USP33: variants seen among roughly 807,000 people sequenced by gnomAD.
USP33 encodes ubiquitin carboxyl-terminal hydrolase 33.
A neutral mutation model predicts 124.2 loss-of-function variants in USP33; 46 were observed. That is an observed-to-expected ratio of 0.37 (90% CI 0.29 to 0.47). The LOEUF (loss-of-function observed/expected upper bound fraction) is 0.47. Among genes scored for constraint, USP33 ranks in the 20% least tolerant of loss-of-function variants. The probability of loss-of-function intolerance (pLI) is 0.99; values close to 1 mark genes in which losing one functional copy is unlikely to be tolerated. For synonymous variants in USP33, 350 were observed against 352.3 expected (o/e 0.99, Z 0.07); for missense variants, 851 against 1,070.6 (o/e 0.79, Z 2.86).
At chr1:77,729,605 A>G (rs1037936293) in intron 9 of USP33, among the ~76,000 whole-genome samples, 2 of 152,104 alleles carry the variant, frequency 1.3e-5, no homozygotes, top group Admixed American at 6.6e-5. Flanking sequence ...CGGGAGGTGG[A>G]GGTTGCAGTG....
intron 6 of USP33, among the ~76,000 whole-genome samples, chr1:77,735,787 G>C (rs1678372348): frequency 6.6e-6 from 1 of 152,174 alleles, no homozygotes; most frequent in African/African-American, 2.4e-5. Context: ...GAGAAACACT[G>C]TTCAAACAGA....
At position 77,748,363 on chromosome 1, in the gene USP33, T is replaced by C. The variant is rs80074618; in HGVS notation, c.-51-6615A>G. On this transcript the variant is annotated intron_variant, in intron 1 of 23. Coordinates refer to ENST00000370794, the MANE Select transcript of USP33 (RefSeq NM_201624.3). ...TGCTGTAACTTCCCTCTATTCTTAC[T>C]TTACTTATTAGAAATGGTCTTGATG... 6.7e-3 allele frequency among the ~76,000 whole-genome samples: 1,018 copies of C among 152,234 alleles called. 15 individuals are homozygous for C. Among genetic ancestry groups the C allele is most frequent in the African/African-American group, 0.023 (961 of 41,558 alleles).
At chr1:77,752,908 T>C (rs1378386751) in intron 1 of USP33, among the ~76,000 whole-genome samples, 1 of 151,828 alleles carries the variant, frequency 6.6e-6, no homozygotes, top group Non-Finnish European at 1.5e-5. Context: ...TGAAACCCTG[T>C]CTCTACTAAA....
chr1:77,709,884 C>CAT (rs1675048860), intron 21 of USP33, among the ~76,000 whole-genome samples: 1 of 121,820 alleles, frequency 8.2e-6, no homozygotes, highest in South Asian at 3.1e-4. Context: ...CATACACATA[C>CAT]ACACACACAC....
chr1:77,713,068 C>T, intron 20 of USP33, 132 bp downstream of exon 20: 1 of 687,940 alleles, frequency 1.5e-6, no homozygotes, highest in Non-Finnish European at 2.4e-6. Context: ...TTCCTACTCA[C>T]ACTTTAGAAT....
chr1:77,742,031 C>T (rs955180124), intron 1 of USP33, among the ~76,000 whole-genome samples: 1 of 151,982 alleles, frequency 6.6e-6, no homozygotes, highest in African/African-American at 2.4e-5. Context: ...ACTTTTGCTG[C>T]TTTTCCCCTC....
chr1:77,714,914 A>C, intron 18 of USP33, 131 bp from the exon 19 acceptor site: 4 of 923,324 alleles, frequency 4.3e-6, no homozygotes, highest in Non-Finnish European at 6.5e-6. Flanking sequence ...TTTCAAGAGA[A>C]ATATACTTTG....
chr1:77,722,328 C>A, intron 12 of USP33, 132 bp from the exon 13 acceptor site: 14 of 790,960 alleles, frequency 1.8e-5, no homozygotes, highest in South Asian at 4.3e-5. Flanking sequence ...AAAAAACACG[C>A]AAATTGAACT....
chr1:77,721,207 T>A lies in USP33; in HGVS notation c.1658-2A>T. On this transcript the variant is annotated splice_acceptor_variant, in intron 14 of 23. Coordinates refer to ENST00000370794, the MANE Select transcript of USP33 (RefSeq NM_201624.3). LOFTEE classifies it high-confidence loss of function. ...TTTCACAACTGTACATATTGTCACC[T>A]GCAAATAAAACAGATCTGGCATTGG... 1 of 1,613,806 alleles carries A rather than the reference T, an allele frequency of 6.2e-7. No individual in the cohort carries two copies. The highest frequency in any genetic ancestry group is 8.5e-7 in the Non-Finnish European group (1 of 1,179,874).
Position 77,739,335 on chromosome 1 carries a change from C to G in USP33, c.281G>C (p.Arg94Thr). ...YACSKEVFLDRKLGTQPSLPH... is the reference protein window; with the variant it reads ...YACSKEVFLDTKLGTQPSLPH... ...CAATGAAGGCTGAGTTCCTAATTTC[C>G]TATCCAAAAATACTTCTTTGCTGCA... Residue 94 changes from arginine (R) to threonine (T), a missense_variant, in exon 5 of 24, where the codon AGG becomes ACG. By Grantham distance (71) the Arg-to-Thr change is moderately conservative. Transcript: ENST00000370794. The G allele has an allele frequency of 6.2e-7, 1 of 1,613,804 alleles. No homozygotes were observed. The highest frequency in any genetic ancestry group is 8.5e-7 in the Non-Finnish European group (1 of 1,179,868).
intron 1 of USP33, among the ~76,000 whole-genome samples, chr1:77,747,240 CTTTTTTTTTTT>C (rs752560478): frequency 9.6e-6 from 1 of 103,872 alleles, no homozygotes; most frequent in Non-Finnish European, 2.0e-5. Flanking sequence ...GGCTTCTGGG[CTTTTTTTTTTT>C]TTTTTTTTTT....
intron 21 of USP33, among the ~76,000 whole-genome samples, chr1:77,711,120 T>C (rs954099212): frequency 1.1e-4 from 16 of 151,938 alleles, no homozygotes; most frequent in Non-Finnish European, 1.6e-4. Context: ...GCAGTCTGGA[T>C]AGACTACAGA....
At position 77,759,845 on chromosome 1, in the gene USP33, G is replaced by A. The variant is rs1034019388; in HGVS notation, c.-254C>T. The A allele has an allele frequency of 2.5e-5, 10 of 396,046 alleles. No individual in the cohort carries two copies. The highest frequency in any genetic ancestry group is 1.9e-4 in the African/African-American group (9 of 48,510). The allele number at this position is 396,046 out of a possible 1,614,324, so 24.5% of individuals were successfully genotyped here. On this transcript the variant is annotated 5_prime_UTR_variant, in exon 1 of 24. Transcript: ENST00000370794. ...CCCGCAGCAGCCGCGGCTCCTTCCG[G>A]TGTCTCCGGGGCCGCCGCAGGCGTC...
intron 1 of USP33, among the ~76,000 whole-genome samples, chr1:77,748,126 T>C (rs1679919208): frequency 6.6e-6 from 1 of 152,196 alleles, no homozygotes; most frequent in East Asian, 1.9e-4. Flanking sequence ...TTCAAAAAGT[T>C]TTACTTCTTT....
At chr1:77,752,522 A>C (rs1047697606) in intron 1 of USP33, among the ~76,000 whole-genome samples, 3 of 152,200 alleles carry the variant, frequency 2.0e-5, no homozygotes, top group Non-Finnish European at 4.4e-5. Flanking sequence ...TCCATTGCCT[A>C]GTCTATTCCA....
intron 21 of USP33, among the ~76,000 whole-genome samples, chr1:77,707,968 A>T (rs553973669): frequency 6.6e-6 from 1 of 152,368 alleles, no homozygotes; most frequent in Non-Finnish European, 1.5e-5. Flanking sequence ...ATTTATGAAC[A>T]TCATTTAGAA....
intron 1 of USP33, among the ~76,000 whole-genome samples, chr1:77,753,617 A>G (rs1206317196): frequency 6.6e-6 from 1 of 151,828 alleles, no homozygotes; most frequent in Non-Finnish European, 1.5e-5. Flanking sequence ...TAATTTGAAA[A>G]CTGTATCTTA....
intron 17 of USP33, among the ~76,000 whole-genome samples, chr1:77,717,350 C>T (rs865802620): frequency 1.1e-4 from 16 of 151,678 alleles, no homozygotes; most frequent in Admixed American, 8.5e-4. Context: ...ATTAGCTGGG[C>T]GTGGTGGCAG....
At chr1:77,748,171 G>C (rs1462154204) in intron 1 of USP33, among the ~76,000 whole-genome samples, 4 of 152,032 alleles carry the variant, frequency 2.6e-5, no homozygotes, top group African/African-American at 7.3e-5. Context: ...ATTTCAAGGG[G>C]AGGAGTTTTA....
Sources: allele counts gnomAD v4.1 joint callset (sites outside exome capture counted in the v4.1 genomes callset), GRCh38; gene constraint gnomAD v4.1.1; transcripts MANE v1.5; gene names NCBI Gene and HGNC (gene_info 2026-07-23, HGNC 2026-07-21).